The following CD2AP variants were observed in gnomAD, a reference collection of about 807,000 sequenced individuals.
CD2AP encodes CD2-associated protein.
Under a neutral mutation model 85.1 loss-of-function variants are expected in CD2AP, and 46 were observed. The ratio of observed to expected loss-of-function variants is 0.54; its 90% confidence interval spans 0.43 to 0.69. The LOEUF is 0.69. Among genes scored for constraint, CD2AP ranks in the 30% least tolerant of loss-of-function variants. The probability of loss-of-function intolerance (pLI) is 0.00; values close to 1 mark genes in which losing one functional copy is unlikely to be tolerated. For missense variants in CD2AP, 769 were observed against 729.5 expected, an observed-to-expected ratio of 1.05 and a Z score of -0.62; for synonymous variants, 255 against 252.9, an observed-to-expected ratio of 1.01 and a Z score of -0.08.
intron 4 of CD2AP, among the ~76,000 whole-genome samples, chr6:47,546,701 A>C (rs1235376513): frequency 6.6e-6 from 1 of 152,250 alleles, no homozygotes; most frequent in Non-Finnish European, 1.5e-5. Flanking sequence ...TTTATCACAA[A>C]AAGATTATCA....
chr6:47,485,716 T>TGGTAGGTACACCTAC (rs1360357441), intron 1 of CD2AP, among the ~76,000 whole-genome samples: 2 of 152,190 alleles, frequency 1.3e-5, no homozygotes, highest in African/African-American at 4.8e-5. Context: ...TCTCTATTCA[T>TGGTAGGTACACCTAC]GGTAGGTACA....
chr6:47,573,488 T>TC (rs923689929), intron 5 of CD2AP, among the ~76,000 whole-genome samples: 15 of 142,424 alleles, frequency 1.1e-4, no homozygotes, highest in Non-Finnish European at 1.7e-4. Context: ...CTGTGTGTTT[T>TC]TTTTTTTTTT....
At chr6:47,591,978 C>T (rs1237259575) in intron 11 of CD2AP, among the ~76,000 whole-genome samples, 1 of 151,918 alleles carries the variant, frequency 6.6e-6, no homozygotes, top group Non-Finnish European at 1.5e-5. Flanking sequence ...GTACATGTCA[C>T]CATAACTGGC....
At chr6:47,553,154 T>C (rs1767572833) in intron 4 of CD2AP, among the ~76,000 whole-genome samples, 1 of 152,172 alleles carries the variant, frequency 6.6e-6, no homozygotes, top group Non-Finnish European at 1.5e-5. Context: ...AGTTTGAATC[T>C]TTCCCTAGTA....
At chr6:47,513,662 A>G (rs759345666) in intron 2 of CD2AP, among the ~76,000 whole-genome samples, 1 of 151,900 alleles carries the variant, frequency 6.6e-6, no homozygotes, top group African/African-American at 2.4e-5. Context: ...TAAGTATTAC[A>G]TATTTTTTGG....
intron 2 of CD2AP, among the ~76,000 whole-genome samples, chr6:47,506,796 A>AG (rs1217269117): frequency 3.0e-4 from 1 of 3,358 alleles, no homozygotes; most frequent in Non-Finnish European, 7.3e-4. Flanking sequence ...AGGGAGACGG[A>AG]GGGAGAGGGA....
chr6:47,556,903 G>A (rs573608698), intron 5 of CD2AP, among the ~76,000 whole-genome samples: 17 of 152,268 alleles, frequency 1.1e-4, no homozygotes, highest in African/African-American at 4.1e-4. Context: ...TTGCCACATT[G>A]TCTTCCACAA....
chr6:47,598,131 C>T (rs897850483), intron 12 of CD2AP, among the ~76,000 whole-genome samples: 4 of 150,938 alleles, frequency 2.7e-5, no homozygotes, highest in African/African-American at 9.7e-5. Context: ...TACAAATGGC[C>T]AACAAGCATA....
chr6:47,484,348 C>T (rs1024217168), intron 1 of CD2AP, among the ~76,000 whole-genome samples: 2 of 102,832 alleles, frequency 1.9e-5, no homozygotes. Context: ...CTTGATATTA[C>T]CTCTTTTTTT....
At chr6:47,560,489 T>G (rs1444160164) in intron 5 of CD2AP, among the ~76,000 whole-genome samples, 1 of 152,226 alleles carries the variant, frequency 6.6e-6, no homozygotes, top group Non-Finnish European at 1.5e-5. Context: ...TTTTCTGTTT[T>G]TTGTTTTCTT....
intron 3 of CD2AP, among the ~76,000 whole-genome samples, chr6:47,540,572 A>AT (rs1767189713): frequency 1.3e-5 from 2 of 149,314 alleles, no homozygotes; most frequent in East Asian, 2.0e-4. Context: ...TTTTTTTTTC[A>AT]TTTTTTGCAA....
At chr6:47,568,415 A>G (rs1768060234) in intron 5 of CD2AP, among the ~76,000 whole-genome samples, 1 of 152,098 alleles carries the variant, frequency 6.6e-6, no homozygotes, top group Admixed American at 6.6e-5. Context: ...TCTGTGCAAA[A>G]CTGGGGCTTG....
intron 5 of CD2AP, among the ~76,000 whole-genome samples, chr6:47,570,043 T>C (rs1255941098): frequency 6.6e-6 from 1 of 152,220 alleles, no homozygotes; most frequent in Non-Finnish European, 1.5e-5. Flanking sequence ...CACACCTGCA[T>C]GATCGACTTA....
intron 1 of CD2AP, among the ~76,000 whole-genome samples, chr6:47,493,086 C>G (rs1330452753): frequency 6.6e-6 from 1 of 152,062 alleles, no homozygotes; most frequent in African/African-American, 2.4e-5. Context: ...TACATTGTTA[C>G]TATTATGACT....
At chr6:47,578,373 C>CT (rs1487253446) in intron 8 of CD2AP, among the ~76,000 whole-genome samples, 1 of 151,650 alleles carries the variant, frequency 6.6e-6, no homozygotes, top group Non-Finnish European at 1.5e-5. Context: ...CTGATTAATT[C>CT]TTTTTTCAAA....
In CD2AP at chr6:47,562,920, C is replaced by A. The variant is rs1767899953; in HGVS notation, c.541+8154C>A. 4 of 629,464 alleles carry A rather than the reference C, an allele frequency of 6.4e-6. No homozygotes were observed. The South Asian group carries it at 7.7e-5, about 12-fold the overall frequency. The allele number at this position is 629,464 out of a possible 1,614,324, so 39.0% of individuals were successfully genotyped here. The stretch of plus-strand genomic sequence containing the variant: ...CTGTAAAATTGACAGAGAGAGAAAA[C>A]CCTATAAAGAAATTGGTTGTGGTTG... On this transcript the variant is annotated intron_variant, in intron 5 of 17. Coordinates refer to ENST00000359314, the MANE Select transcript of CD2AP (RefSeq NM_012120.3).
chr6:47,506,696 C>A (rs1330508157), intron 2 of CD2AP, among the ~76,000 whole-genome samples: 1 of 141,118 alleles, frequency 7.1e-6, no homozygotes, highest in Admixed American at 7.1e-5. Flanking sequence ...CAGAGTGAGG[C>A]AGGAGAATCA....
intron 11 of CD2AP, among the ~76,000 whole-genome samples, chr6:47,591,748 TTATTTTGTTG>T (rs1341401526): frequency 6.6e-6 from 1 of 152,128 alleles, no homozygotes; most frequent in Non-Finnish European, 1.5e-5. Context: ...CATATTTTGG[TTATTTTGTTG>T]TATTTTGTTA....
chr6:47,557,033 G>A (rs145551659), intron 5 of CD2AP, among the ~76,000 whole-genome samples: 37,734 of 152,036 alleles, frequency 0.25, 5,427 homozygotes, highest in East Asian at 0.6. Context: ...GGCATGAGAT[G>A]GTAGCTCATC....
Sources: gnomAD v4.1 joint callset for allele counts (sites outside exome capture counted in the v4.1 genomes callset) on GRCh38, gnomAD v4.1.1 for gene constraint, MANE v1.5 for transcripts, NCBI Gene and HGNC (gene_info 2026-07-23, HGNC 2026-07-21) for gene names.